Variants in PDZD2 observed in about 807,000 individuals in gnomAD.
The protein encoded by PDZD2 is PDZ domain-containing protein 2.
Under a neutral mutation model 220.7 loss-of-function variants are expected in PDZD2, and 90 were observed. The observed-to-expected ratio is 0.41, with a 90% confidence interval of 0.34 to 0.49. PDZD2 has a LOEUF of 0.49. PDZD2 is among the 20% of genes least tolerant of loss of function. PDZD2 has a pLI of 0.28. For synonymous variants in PDZD2, 1,375 were observed against 1,450.5 expected, an observed-to-expected ratio of 0.95 and a Z score of 1.18; for missense variants, 3,174 against 3,608.5, an observed-to-expected ratio of 0.88 and a Z score of 3.08.
rs1001340758 is a variant in PDZD2, at chr5:32,102,213, G to A, written c.8353+974G>A. On this transcript the variant is annotated intron_variant, in intron 24 of 24. Coordinates refer to ENST00000438447, the MANE Select transcript of PDZD2 (RefSeq NM_178140.4). The stretch of plus-strand genomic sequence containing the variant: ...CTGTGGTAAGCAGCGCTGCATCCTT[G>A]GGGCCCAGAGGAAGCGGAGGATGAC... Among the ~76,000 whole-genome samples, 5 of 152,102 alleles carry A rather than the reference G, an allele frequency of 3.3e-5. No individual in the cohort carries two copies. The East Asian group carries it at 7.7e-4, about 24-fold the overall frequency.
chr5:31,651,394 A>G (rs1745342850), intron 1 of PDZD2, among the ~76,000 whole-genome samples: 2 of 152,168 alleles, frequency 1.3e-5, no homozygotes, highest in Admixed American at 6.5e-5. Context: ...GGTGTCACTC[A>G]TTGGTAGTAC....
intron 2 of PDZD2, among the ~76,000 whole-genome samples, chr5:31,918,572 G>A (rs899066342): frequency 1.3e-5 from 2 of 152,218 alleles, no homozygotes; most frequent in African/African-American, 4.8e-5. Context: ...TTTTTAAGTA[G>A]TATGGTTAAT....
chr5:32,061,610 T>G (rs1030798053), intron 14 of PDZD2, among the ~76,000 whole-genome samples: 1 of 152,228 alleles, frequency 6.6e-6, no homozygotes, highest in Non-Finnish European at 1.5e-5. Flanking sequence ...AATTTTAAAC[T>G]TTGTTCAATT....
intron 3 of PDZD2, among the ~76,000 whole-genome samples, chr5:31,988,119 A>C (rs1283208854): frequency 6.6e-6 from 1 of 152,074 alleles, no homozygotes; most frequent in Non-Finnish European, 1.5e-5. Context: ...GACCTTTCTA[A>C]ACAGCACATC....
At chr5:31,874,812 A>G (rs528140923) in intron 2 of PDZD2, among the ~76,000 whole-genome samples, 18 of 151,970 alleles carry the variant, frequency 1.2e-4, no homozygotes, top group African/African-American at 4.3e-4. Context: ...AAACATCTAT[A>G]TGTCTGCCAC....
At chr5:31,683,889 A>G (rs1337155603) in intron 1 of PDZD2, among the ~76,000 whole-genome samples, 1 of 152,192 alleles carries the variant, frequency 6.6e-6, no homozygotes, top group East Asian at 1.9e-4. Context: ...ACCCAGTGCC[A>G]TATTGTCCCT....
chr5:31,676,566 C>CTTT (rs1262608355), intron 1 of PDZD2, among the ~76,000 whole-genome samples: 2 of 139,438 alleles, frequency 1.4e-5, no homozygotes, highest in East Asian at 2.2e-4. Context: ...TCTTTGCTTT[C>CTTT]TCTTTTTTTT....
chr5:31,785,133 A>C (rs139882267), intron 1 of PDZD2, among the ~76,000 whole-genome samples: 1 of 152,200 alleles, frequency 6.6e-6, no homozygotes, highest in African/African-American at 2.4e-5. Flanking sequence ...CGTGGATGCA[A>C]ACATCCTGCC....
intron 2 of PDZD2, chr5:31,822,566 C>T: frequency 2.2e-6 from 2 of 919,224 alleles, no homozygotes; most frequent in Non-Finnish European, 3.3e-6. Flanking sequence ...TCTTATTAAT[C>T]AGCCTCCTGA....
At chr5:31,783,215 C>G (rs941811533) in intron 1 of PDZD2, among the ~76,000 whole-genome samples, 3 of 152,086 alleles carry the variant, frequency 2.0e-5, no homozygotes, top group African/African-American at 7.2e-5. Flanking sequence ...CAGTGTTTAT[C>G]TTGTGGAACT....
intron 7 of PDZD2, among the ~76,000 whole-genome samples, chr5:32,047,548 A>C (rs185344924): frequency 2.6e-5 from 4 of 152,358 alleles, no homozygotes; most frequent in Non-Finnish European, 5.9e-5. Context: ...AAGAAGAAGA[A>C]AAAGAATACG....
chr5:31,688,824 G>T (rs901906958), intron 1 of PDZD2, among the ~76,000 whole-genome samples: 1 of 152,144 alleles, frequency 6.6e-6, no homozygotes, highest in Non-Finnish European at 1.5e-5. Context: ...CCCCAAGCAG[G>T]GGGTGGTCAG....
intron 1 of PDZD2, among the ~76,000 whole-genome samples, chr5:31,731,542 C>T (rs1749538000): frequency 6.6e-6 from 1 of 152,094 alleles, no homozygotes. Flanking sequence ...TATAACTCTT[C>T]GGGATGGTTT....
chr5:31,667,362 C>G (rs1054597939), intron 1 of PDZD2, among the ~76,000 whole-genome samples: 1 of 151,736 alleles, frequency 6.6e-6, no homozygotes, highest in African/African-American at 2.4e-5. Flanking sequence ...CACCCACATT[C>G]TAGGAGGTGG....
chr5:32,007,857 A>G (rs1044265444), intron 5 of PDZD2, among the ~76,000 whole-genome samples: 1 of 152,094 alleles, frequency 6.6e-6, no homozygotes, highest in African/African-American at 2.4e-5. Flanking sequence ...ATTTCCCCGG[A>G]GGGCTCTGGC....
chr5:31,962,818 G>A (rs1748378435), intron 2 of PDZD2, among the ~76,000 whole-genome samples: 1 of 152,028 alleles, frequency 6.6e-6, no homozygotes, highest in African/African-American at 2.4e-5. Flanking sequence ...GAGATTTAAG[G>A]AACTCCTCTG....
Position 32,058,041 on chromosome 5 carries a change from C to T in PDZD2, c.2138C>T (p.Ser713Phe). The change falls in exon 12 of 25, where the codon TCC (serine) becomes TTC (phenylalanine). Residue 713 changes from serine (S) to phenylalanine (F), a missense_variant. Physicochemically the swap from Ser to Phe is radical, Grantham distance 155. Coordinates refer to ENST00000438447, the MANE Select transcript of PDZD2 (RefSeq NM_178140.4). ...AGGSDEGSSS[S>F]LGRKTPGPKD... ...GGTTCCGATGAAGGCAGTTCTTCAT[C>T]CCTGGGTCGGAAGACCCCTGGGCCC... 6.2e-7 allele frequency: 1 copy of T among 1,612,920 alleles called. No individual in the cohort carries two copies. The highest frequency in any genetic ancestry group is 1.1e-5 in the South Asian group (1 of 91,046).
intron 14 of PDZD2, among the ~76,000 whole-genome samples, chr5:32,061,609 C>T (rs1433962468): frequency 6.6e-6 from 1 of 152,078 alleles, no homozygotes; most frequent in African/African-American, 2.4e-5. Context: ...GAATTTTAAA[C>T]TTTGTTCAAT....
intron 18 of PDZD2, among the ~76,000 whole-genome samples, chr5:32,074,858 G>A (rs161549): frequency 6.6e-6 from 1 of 150,918 alleles, no homozygotes; most frequent in Non-Finnish European, 1.5e-5. Flanking sequence ...TCACCCAGGC[G>A]GGAGTGCAGT....
Sources: allele counts gnomAD v4.1 joint callset (sites outside exome capture counted in the v4.1 genomes callset), GRCh38; gene constraint gnomAD v4.1.1; transcripts MANE v1.5; gene names NCBI Gene and HGNC (gene_info 2026-07-23, HGNC 2026-07-21).